The following MARCHF1 variants were observed in gnomAD, a reference collection of about 807,000 sequenced individuals.
The protein encoded by MARCHF1 is membrane associated ring-CH-type finger 1.
Under a neutral mutation model 54.2 loss-of-function variants are expected in MARCHF1, and 40 were observed. The ratio of observed to expected loss-of-function variants is 0.74; its 90% confidence interval spans 0.57 to 0.96. MARCHF1 has a LOEUF of 0.96. MARCHF1 is among the 40% of genes least tolerant of loss of function. MARCHF1 has a pLI of 0.00. For synonymous variants in MARCHF1, 236 were observed against 236.3 expected, an observed-to-expected ratio of 1.00 and a Z score of 0.01; for missense variants, 586 against 656.5, an observed-to-expected ratio of 0.89 and a Z score of 1.17.
chr4:163,934,523 C>T (rs1467482024), intron 3 of MARCHF1, among the ~76,000 whole-genome samples: 2 of 138,426 alleles, frequency 1.4e-5, no homozygotes, highest in Non-Finnish European at 3.0e-5. Context: ...CATGCCATGG[C>T]ACTCCAGCCT....
At chr4:164,043,394 C>A (rs1014935386) in intron 2 of MARCHF1, among the ~76,000 whole-genome samples, 1 of 152,140 alleles carries the variant, frequency 6.6e-6, no homozygotes, top group Non-Finnish European at 1.5e-5. Context: ...GGACTTGCAC[C>A]CTCTGAAAAA....
chr4:164,167,693 A>G (rs560310314), intron 1 of MARCHF1, among the ~76,000 whole-genome samples: 33 of 152,104 alleles, frequency 2.2e-4, no homozygotes, highest in Non-Finnish European at 4.4e-4. Context: ...AATCTCTTCA[A>G]TAAATGGTCT....
chr4:163,564,270 T>C (rs1739568113), intron 8 of MARCHF1, among the ~76,000 whole-genome samples: 1 of 152,168 alleles, frequency 6.6e-6, no homozygotes, highest in Admixed American at 6.5e-5. Context: ...CTGACTGACG[T>C]TTGAATGCCT....
chr4:164,188,660 G>T (rs539713828), intron 1 of MARCHF1: 1 of 1,094,372 alleles, frequency 9.1e-7, no homozygotes, highest in Non-Finnish European at 1.4e-6. Context: ...GGTCTTTGAC[G>T]CCAAGTGGCT....
chr4:163,709,831 C>A (rs80106065), intron 4 of MARCHF1, among the ~76,000 whole-genome samples: 4,242 of 152,256 alleles, frequency 0.028, 74 homozygotes, highest in East Asian at 0.076. Context: ...AAGACCCTTG[C>A]ATGTTTACCT....
At chr4:164,271,518 T>C (rs1733745774) in intron 1 of MARCHF1, among the ~76,000 whole-genome samples, 1 of 152,134 alleles carries the variant, frequency 6.6e-6, no homozygotes, top group African/African-American at 2.4e-5. Context: ...ACAACTTGAT[T>C]TTAGTTCACT....
intron 3 of MARCHF1, 113 bp from the exon 4 acceptor site, chr4:163,854,282 T>C (rs1483284017): frequency 2.5e-6 from 2 of 796,074 alleles, no homozygotes; most frequent in African/African-American, 3.5e-5. Context: ...TGAGACTTTT[T>C]TAAAAAAACC....
chr4:164,256,642 G>A lies in MARCHF1; in HGVS notation c.-323+127228C>T, dbSNP rs185903284. On this transcript the variant is annotated intron_variant, in intron 1 of 9. Coordinates refer to ENST00000514618, the MANE Select transcript of MARCHF1 (RefSeq NM_001394959.1). ...GACTGAGAAAACTTTTAAGCATCAT[G>A]GGAGAATATCAAGAAAAATATTATA... 1.2e-4 allele frequency among the ~76,000 whole-genome samples: 19 copies of A among 152,130 alleles called. No homozygotes were observed. The East Asian group carries it at 3.5e-3, about 28-fold the overall frequency.
At chr4:164,048,861 CTATT>C (rs1446353427) in intron 2 of MARCHF1, among the ~76,000 whole-genome samples, 1 of 152,054 alleles carries the variant, frequency 6.6e-6, no homozygotes, top group African/African-American at 2.4e-5. Flanking sequence ...TTGTATACCT[CTATT>C]TGTCATCTAA....
intron 1 of MARCHF1, among the ~76,000 whole-genome samples, chr4:164,351,005 C>G (rs368811976): frequency 1.2e-4 from 19 of 152,060 alleles, no homozygotes; most frequent in African/African-American, 3.6e-4. Context: ...GGGTGACGGA[C>G]GCACCTGGAA....
chr4:163,870,241 A>G (rs948885876), intron 3 of MARCHF1, among the ~76,000 whole-genome samples: 1 of 152,100 alleles, frequency 6.6e-6, no homozygotes, highest in African/African-American at 2.4e-5. Flanking sequence ...TTTCTGTATT[A>G]CATTTAAAGT....
intron 2 of MARCHF1, among the ~76,000 whole-genome samples, chr4:164,093,574 T>G (rs1755348495): frequency 6.6e-6 from 1 of 152,160 alleles, no homozygotes; most frequent in Non-Finnish European, 1.5e-5. Flanking sequence ...TTCTCTTGGT[T>G]AAGTTTTCAA....
In MARCHF1 at chr4:163,833,696, C is replaced by T. The variant is rs139940182; in HGVS notation, c.111+20325G>A. ...TATTGTTTTTGCCCCAGAGTAGGTG[C>T]TCTGGGATGCTTTTGTGTGAAAAAA... On this transcript the variant is annotated intron_variant, in intron 4 of 9. Transcript: ENST00000514618. Among the ~76,000 whole-genome samples the T allele has an allele frequency of 6.6e-5, 10 of 152,164 alleles. No homozygotes were observed. The East Asian group carries it at 1.7e-3, about 26-fold the overall frequency.
intron 4 of MARCHF1, among the ~76,000 whole-genome samples, chr4:163,716,173 T>A (rs1412535787): frequency 2.6e-5 from 4 of 152,202 alleles, no homozygotes; most frequent in African/African-American, 4.8e-5. Flanking sequence ...GGCAACATGT[T>A]CCAGGAGGCA....
chr4:163,903,295 A>G (rs978947041), intron 3 of MARCHF1, among the ~76,000 whole-genome samples: 3 of 152,088 alleles, frequency 2.0e-5, no homozygotes, highest in African/African-American at 7.2e-5. Flanking sequence ...CTGTGCTTCA[A>G]AAAGTTCTAG....
intron 4 of MARCHF1, among the ~76,000 whole-genome samples, chr4:163,825,355 T>G (rs1748819224): frequency 6.6e-6 from 1 of 152,088 alleles, no homozygotes; most frequent in Non-Finnish European, 1.5e-5. Context: ...GATGGGCATC[T>G]TGGTTGGTTC....
intron 2 of MARCHF1, among the ~76,000 whole-genome samples, chr4:164,010,521 T>C (rs1753399138): frequency 6.6e-6 from 1 of 152,018 alleles, no homozygotes; most frequent in African/African-American, 2.4e-5. Flanking sequence ...ATCCCATTTA[T>C]ATTACCTACA....
intron 3 of MARCHF1, among the ~76,000 whole-genome samples, chr4:163,965,772 A>G (rs974901329): frequency 6.6e-6 from 1 of 152,106 alleles, no homozygotes; most frequent in Admixed American, 6.6e-5. Flanking sequence ...CAACTGAAAA[A>G]CTACATAACT....
chr4:163,674,290 C>T (rs1398391000), intron 5 of MARCHF1, among the ~76,000 whole-genome samples: 2 of 152,106 alleles, frequency 1.3e-5, no homozygotes, highest in African/African-American at 2.4e-5. Flanking sequence ...ATGCAATCTA[C>T]CCGTGTAACA....
Sources: gnomAD v4.1 joint callset for allele counts (sites outside exome capture counted in the v4.1 genomes callset) on GRCh38, gnomAD v4.1.1 for gene constraint, MANE v1.5 for transcripts, NCBI Gene and HGNC (gene_info 2026-07-23, HGNC 2026-07-21) for gene names.